The following TRERF1 variants were observed in gnomAD, a reference collection of about 807,000 sequenced individuals.
TRERF1 encodes the protein transcriptional-regulating factor 1.
TRERF1 carries 27 observed loss-of-function variants against 122.9 expected under a neutral mutation model. That is an observed-to-expected ratio of 0.22 (90% CI 0.16 to 0.30). The LOEUF is 0.30. Among genes scored for constraint, TRERF1 ranks in the 10% least tolerant of loss-of-function variants. The probability of loss-of-function intolerance (pLI) is 1.00; values close to 1 mark genes in which losing one functional copy is unlikely to be tolerated. For missense variants in TRERF1, 1,248 were observed against 1,560.3 expected (o/e 0.80, Z 3.37); for synonymous variants, 636 against 641.7 (o/e 0.99, Z 0.13).
chr6:42,293,794 T>C (rs1784665181), intron 4 of TRERF1, among the ~76,000 whole-genome samples: 1 of 131,810 alleles, frequency 7.6e-6, no homozygotes, highest in Non-Finnish European at 1.5e-5. Flanking sequence ...AATATAAAGA[T>C]AACCCGGACC....
chr6:42,304,611 A>G (rs2181807), intron 3 of TRERF1, among the ~76,000 whole-genome samples: 64,271 of 152,004 alleles, frequency 0.42, 14,105 homozygotes, highest in African/African-American at 0.52. Context: ...ATGACTTGCT[A>G]TTTCTTGGTC....
At chr6:42,433,019 C>T (rs947705309) in intron 2 of TRERF1, among the ~76,000 whole-genome samples, 3 of 151,880 alleles carry the variant, frequency 2.0e-5, no homozygotes, top group Non-Finnish European at 4.4e-5. Context: ...AGATAAAATA[C>T]AAGATAATTA....
intron 3 of TRERF1, among the ~76,000 whole-genome samples, chr6:42,338,757 A>G (rs1412851472): frequency 6.6e-6 from 1 of 152,106 alleles, no homozygotes. Flanking sequence ...CTAGAATGGG[A>G]CCTACCAGAG....
chr6:42,235,448 T>C (rs1771914856), intron 16 of TRERF1, among the ~76,000 whole-genome samples: 1 of 152,178 alleles, frequency 6.6e-6, no homozygotes, highest in South Asian at 2.1e-4. Context: ...AAAATACATA[T>C]GGAGCCTTAG....
chr6:42,244,100 CG>C (rs1561812442), intron 14 of TRERF1, among the ~76,000 whole-genome samples: 4 of 151,956 alleles, frequency 2.6e-5, no homozygotes, highest in Non-Finnish European at 5.9e-5. Flanking sequence ...AGGCTAGTCT[CG>C]AACTCCTGAC....
intron 2 of TRERF1, among the ~76,000 whole-genome samples, chr6:42,375,770 G>C (rs1774728735): frequency 6.6e-6 from 1 of 152,128 alleles, no homozygotes; most frequent in South Asian, 2.1e-4. Flanking sequence ...TCACTATGGG[G>C]AAGGAGAGGG....
At chr6:42,236,555 G>A (rs1772254690) in intron 15 of TRERF1, 144 bp from the exon 16 acceptor site, 1 of 1,324,282 alleles carries the variant, frequency 7.6e-7, no homozygotes, top group Non-Finnish European at 1.0e-6. Flanking sequence ...ATGGTGGACA[G>A]AGCCTGTTAG....
chr6:42,273,490 ATGAAGCATAGTCAGAT>A (rs1018851650), intron 4 of TRERF1, among the ~76,000 whole-genome samples: 65 of 152,352 alleles, frequency 4.3e-4, no homozygotes, highest in African/African-American at 1.5e-3. Context: ...TTACGTTCTC[ATGAAGCATAGTCAGAT>A]TGCACCTCGG....
intron 2 of TRERF1, among the ~76,000 whole-genome samples, chr6:42,420,112 G>T (rs985671798): frequency 1.3e-5 from 2 of 152,190 alleles, no homozygotes; most frequent in Non-Finnish European, 2.9e-5. Context: ...CTACCTAGGA[G>T]CTTCTCCTGT....
chr6:42,290,641 T>TA (rs1056805875), intron 4 of TRERF1, among the ~76,000 whole-genome samples: 4 of 139,904 alleles, frequency 2.9e-5, no homozygotes, highest in African/African-American at 1.1e-4. Flanking sequence ...TTTTTTTAAT[T>TA]AAAAAAAAGT....
Position 42,377,902 on chromosome 6 carries a change from C to T in TRERF1, c.-453-14823G>A, listed in dbSNP as rs139154126. Among the ~76,000 whole-genome samples, 91 of 152,326 alleles carry T rather than the reference C, an allele frequency of 6.0e-4. 1 individual carries two copies. The highest frequency in any genetic ancestry group is 2.0e-3 in the African/African-American group (83 of 41,576). On this transcript the variant is annotated intron_variant, in intron 2 of 17. Transcript: ENST00000372922. ...TGGCTTTAGGAACATGCAGCCCGTG[C>T]GGTCTCACAGGACCCCATGCTTGCT...
Position 42,269,639 on chromosome 6 carries a change from T to C in TRERF1, c.-49A>G. ...TCCAGCCACAAAACCATAAAAAAGG[T>C]AAATAAAACAAACCCAAAAGGACTG... On this transcript the variant is annotated 5_prime_UTR_variant, in exon 5 of 18. Transcript: ENST00000372922. The surrounding 1 kb of genome is among the most constrained non-coding windows in gnomAD (Gnocchi z 4.9). 1 of 1,583,290 alleles carries C rather than the reference T, an allele frequency of 6.3e-7. No individual in the cohort carries two copies. Among genetic ancestry groups the C allele is most frequent in the Non-Finnish European group, 8.6e-7 (1 of 1,163,742 alleles).
rs1452508096 is a variant in TRERF1, at chr6:42,393,715, G to C, written c.-453-30636C>G. ...GGCAATTTAGATGACTAAATATAGG[G>C]GAGCTGGTTAAATAAGTTATAGAAC... On this transcript the variant is annotated intron_variant, in intron 2 of 17. Transcript: ENST00000372922. The surrounding 1 kb of genome is among the most constrained non-coding windows in gnomAD (Gnocchi z 4.1). 6.6e-6 allele frequency among the ~76,000 whole-genome samples: 1 copy of C among 152,182 alleles called. No homozygotes were observed. The highest frequency in any genetic ancestry group is 1.5e-5 in the Non-Finnish European group (1 of 68,040).
chr6:42,400,199 A>T (rs146936404), intron 2 of TRERF1, among the ~76,000 whole-genome samples: 5 of 152,244 alleles, frequency 3.3e-5, no homozygotes, highest in South Asian at 2.1e-4. Flanking sequence ...ACAGACCATA[A>T]ACCTAACCTC....
chr6:42,309,996 T>C (rs1437822998), intron 3 of TRERF1, among the ~76,000 whole-genome samples: 2 of 152,152 alleles, frequency 1.3e-5, no homozygotes, highest in African/African-American at 4.8e-5. Flanking sequence ...ACTCCTAGGC[T>C]GAAGCAATCT....
chr6:42,258,158 T>C, exon 10 of TRERF1: 1 of 1,614,218 alleles, frequency 6.2e-7, no homozygotes, highest in Non-Finnish European at 8.5e-7. Flanking sequence ...CAGTCTGCTC[T>C]CCAGGCCCTG....
intron 3 of TRERF1, among the ~76,000 whole-genome samples, chr6:42,360,278 T>C (rs1771466593): frequency 6.6e-6 from 1 of 152,264 alleles, no homozygotes; most frequent in Non-Finnish European, 1.5e-5. Context: ...ACCTCATTAC[T>C]GTAATTTAAT....
chr6:42,391,627 C>G (rs1268909553), intron 2 of TRERF1, among the ~76,000 whole-genome samples: 1 of 152,120 alleles, frequency 6.6e-6, no homozygotes, highest in Non-Finnish European at 1.5e-5. Flanking sequence ...CTCTAAGAAG[C>G]TGCTGGTCCT....
intron 2 of TRERF1, among the ~76,000 whole-genome samples, chr6:42,411,897 C>T (rs1217626556): frequency 1.3e-5 from 2 of 152,114 alleles, no homozygotes; most frequent in Non-Finnish European, 2.9e-5. Context: ...TGTAAATGAA[C>T]ACGGCTGGAC....
Sources: allele counts gnomAD v4.1 joint callset (sites outside exome capture counted in the v4.1 genomes callset), GRCh38; gene constraint gnomAD v4.1.1; non-coding constraint Gnocchi (gnomAD v3.1); transcripts MANE v1.5; gene names NCBI Gene and HGNC (gene_info 2026-07-23, HGNC 2026-07-21).